The following PIWIL2 variants were observed in gnomAD, a reference collection of about 807,000 sequenced individuals.
PIWIL2 encodes piwi-like protein 2.
PIWIL2 carries 81 observed loss-of-function variants against 116.5 expected under a neutral mutation model. The observed-to-expected ratio is 0.70, with a 90% confidence interval of 0.58 to 0.84. The LOEUF is 0.84. PIWIL2 is among the 40% of genes least tolerant of loss of function. The pLI is 0.00. For missense variants in PIWIL2, 1,272 were observed against 1,212.3 expected, an observed-to-expected ratio of 1.05 and a Z score of -0.73; for synonymous variants, 489 against 429.5, an observed-to-expected ratio of 1.14 and a Z score of -1.71.
chr8:22,289,273 C>T (rs1396061193), intron 8 of PIWIL2, among the ~76,000 whole-genome samples: 3 of 151,600 alleles, frequency 2.0e-5, no homozygotes, highest in African/African-American at 2.4e-5. Context: ...CTGCCTCAGT[C>T]TCCTGAGTAG....
chr8:22,318,269 TTA>T lies in PIWIL2; in HGVS notation c.2399_2400del (p.Tyr800Ter). ...GCCTCGTGGGCTCCTTAAAAAAGTT[TTA>T]TGAGGTGAGGAGAACAGAAATTCTC... ...LCLVGSLKKF[Y>X]EVNHCLPEKI... On this transcript the variant is annotated frameshift_variant, in exon 20 of 23. Transcript: ENST00000356766. LOFTEE classifies it high-confidence loss of function. The T allele has an allele frequency of 1.3e-6, 2 of 1,571,160 alleles. No homozygotes were observed. The highest frequency in any genetic ancestry group is 1.8e-6 in the Non-Finnish European group (2 of 1,142,058).
At chr8:22,276,488 G>C (rs2131969391) in intron 1 of PIWIL2, among the ~76,000 whole-genome samples, 1 of 152,194 alleles carries the variant, frequency 6.6e-6, no homozygotes, top group South Asian at 2.1e-4. Context: ...GCTAATTTTT[G>C]TATTTTTAGT....
intron 20 of PIWIL2, among the ~76,000 whole-genome samples, chr8:22,338,772 C>A (rs1332013195): frequency 6.6e-6 from 1 of 152,168 alleles, no homozygotes; most frequent in Non-Finnish European, 1.5e-5. Context: ...TTGGGTTTAA[C>A]TCTCCAAATG....
At chr8:22,303,790 G>A (rs1831108990) in intron 10 of PIWIL2, among the ~76,000 whole-genome samples, 1 of 151,978 alleles carries the variant, frequency 6.6e-6, no homozygotes, top group Non-Finnish European at 1.5e-5. Flanking sequence ...TGTTGCCCAG[G>A]CTGGTCTCCA....
chr8:22,353,212 G>C lies in PIWIL2; in HGVS notation c.2657G>C (p.Trp886Ser). The change falls in exon 21 of 23, where the codon TGG (tryptophan) becomes TCG (serine). Residue 886 changes from tryptophan to serine, a missense_variant and splice_region_variant. Transcript: ENST00000356766. ...GATCATACAATAACAAGCTGTGAGT[G>C]GTAAGTGAGCAAAATATGTAGTATT... ...VVDHTITSCEWVDFYLLAHHV... is the reference protein window; with the variant it reads ...VVDHTITSCESVDFYLLAHHV... 6.2e-7 allele frequency: 1 copy of C among 1,607,964 alleles called. No individual in the cohort carries two copies. The highest frequency in any genetic ancestry group is 8.5e-7 in the Non-Finnish European group (1 of 1,175,430).
chr8:22,335,121 T>C (rs960171893), intron 20 of PIWIL2, among the ~76,000 whole-genome samples: 6 of 149,646 alleles, frequency 4.0e-5, no homozygotes, highest in African/African-American at 7.4e-5. Context: ...CTCCAAGATA[T>C]ATAGTAAAAA....
chr8:22,316,309 T>G lies in PIWIL2; in HGVS notation c.2273T>G (p.Val758Gly), dbSNP rs779931064. ...CCCAGTAGAGGCATGCGCTCCGTGG[T>G]TGGCTTCGTGGCAAGCATCAATCTG... ...HDPSRGMRSV[V>G]GFVASINLTL... Residue 758 changes from valine to glycine, a missense_variant, in exon 19 of 23, where the codon GTT becomes GGT. Val to Gly is a moderately radical substitution (Grantham distance 109). Transcript: ENST00000356766. 2 of 1,612,216 alleles carry G rather than the reference T, an allele frequency of 1.2e-6. No homozygotes were observed. The highest frequency in any genetic ancestry group is 1.7e-6 in the Non-Finnish European group (2 of 1,178,264).
intron 20 of PIWIL2, among the ~76,000 whole-genome samples, chr8:22,322,215 C>G (rs932927196): frequency 1.3e-5 from 2 of 151,890 alleles, no homozygotes; most frequent in African/African-American, 4.8e-5. Context: ...TCTCCTTTTT[C>G]TGTAACTAGG....
intron 22 of PIWIL2, 130 bp downstream of exon 22, chr8:22,354,508 G>A: frequency 1.8e-6 from 1 of 541,544 alleles, no homozygotes; most frequent in Non-Finnish European, 3.3e-6. Context: ...CAATTATGGT[G>A]TCTTTTTGAG....
At chr8:22,351,272 T>A (rs1425909011) in intron 20 of PIWIL2, among the ~76,000 whole-genome samples, 1 of 150,614 alleles carries the variant, frequency 6.6e-6, no homozygotes, top group Non-Finnish European at 1.5e-5. Context: ...TGGCTATGAT[T>A]ACACCACTGC....
At chr8:22,331,235 A>G (rs1831855505) in intron 20 of PIWIL2, among the ~76,000 whole-genome samples, 3 of 152,092 alleles carry the variant, frequency 2.0e-5, no homozygotes, top group South Asian at 4.1e-4. Flanking sequence ...ATAATTGATC[A>G]GACACATTTA....
rs1409185534 is a variant in PIWIL2 at position 22,281,472 on chromosome 8, G to A, written c.382G>A (p.Ala128Thr). ...TTTTTGGGATCCAAAAGTGTTGGCG[G>A]CTGGGGACAGCAAGATGGCAGAGAC... Reference protein sequence around the residue: ...PTFWDPKVLAAGDSKMAETSV... With the variant: ...PTFWDPKVLATGDSKMAETSV... Residue 128 changes from alanine to threonine, a missense_variant, in exon 4 of 23, where the codon GCT becomes ACT. By Grantham distance (58) the Ala-to-Thr change is moderately conservative. Coordinates refer to ENST00000356766, the MANE Select transcript of PIWIL2 (RefSeq NM_018068.5). 2.5e-6 allele frequency: 4 copies of A among 1,600,044 alleles called. No homozygotes were observed. The highest frequency in any genetic ancestry group is 1.8e-5 in the Admixed American group (1 of 54,450).
chr8:22,275,937 G>GA (rs1262725841), intron 1 of PIWIL2: 1 of 152,344 alleles, frequency 6.6e-6, no homozygotes, highest in Non-Finnish European at 1.5e-5. Flanking sequence ...GGAGCTACCT[G>GA]AATCTATAGA....
chr8:22,309,326 A>G (rs914471293), intron 14 of PIWIL2, among the ~76,000 whole-genome samples: 4 of 151,822 alleles, frequency 2.6e-5, no homozygotes, highest in Non-Finnish European at 4.4e-5. Flanking sequence ...TTTAATACTT[A>G]TATTTTATTT....
chr8:22,339,982 T>C (rs1286773563), intron 20 of PIWIL2, among the ~76,000 whole-genome samples: 1 of 151,404 alleles, frequency 6.6e-6, no homozygotes, highest in Middle Eastern at 3.4e-3. Context: ...ATGTTTGTCA[T>C]GCACATAGAT....
intron 3 of PIWIL2, 72 bp downstream of exon 3, chr8:22,281,279 T>C (rs1674889631): frequency 6.4e-7 from 1 of 1,554,594 alleles, no homozygotes; most frequent in Admixed American, 2.1e-5. Flanking sequence ...AAATGGTTTA[T>C]TTTCAGAAAC....
At chr8:22,351,345 A>G (rs75846640) in intron 20 of PIWIL2, among the ~76,000 whole-genome samples, 5,897 of 146,488 alleles carry the variant, frequency 0.04, 384 homozygotes, top group African/African-American at 0.14. Flanking sequence ...TTGAAACTCA[A>G]CTTTTTAAAG....
intron 10 of PIWIL2, among the ~76,000 whole-genome samples, chr8:22,292,507 C>G (rs543157397): frequency 6.6e-6 from 1 of 152,354 alleles, no homozygotes; most frequent in South Asian, 2.1e-4. Context: ...ATGCCTTGAA[C>G]TTTTTTATAA....
chr8:22,291,441 G>A (rs895194408), intron 10 of PIWIL2, among the ~76,000 whole-genome samples: 2 of 151,990 alleles, frequency 1.3e-5, no homozygotes, highest in African/African-American at 2.4e-5. Context: ...ACAAGCCACC[G>A]TGCCCAGCCA....
Sources: gnomAD v4.1 joint callset for allele counts (sites outside exome capture counted in the v4.1 genomes callset) on GRCh38, gnomAD v4.1.1 for gene constraint, MANE v1.5 for transcripts, NCBI Gene and HGNC (gene_info 2026-07-23, HGNC 2026-07-21) for gene names.